MSN: variants seen among roughly 807,000 people sequenced by gnomAD.
The protein encoded by MSN is epididymis luminal protein 70.
In MSN, 2 loss-of-function variants were observed where a neutral mutation model predicts 48.0. The observed-to-expected ratio is 0.04, with a 90% CI of 0.02 to 0.13. MSN has a LOEUF of 0.13. Among genes scored for constraint, MSN ranks in the 10% least tolerant of loss-of-function variants. The probability of loss-of-function intolerance (pLI) is 1.00; values close to 1 mark genes in which losing one functional copy is unlikely to be tolerated. For synonymous variants in MSN, 146 were observed against 166.9 expected, an observed-to-expected ratio of 0.87 and a Z score of 0.97; for missense variants, 267 against 470.1, an observed-to-expected ratio of 0.57 and a Z score of 3.99.
intron 1 of MSN, among the ~76,000 whole-genome samples, chrX:65,646,481 G>A (rs6525000): frequency 0.24 from 26,357 of 111,258 alleles, 7,505 homozygotes; most frequent in African/African-American, 0.82. Context: ...TGCCTGAGCT[G>A]TTACAATGGC....
chrX:65,733,056 AT>A (rs1479155627), intron 6 of MSN, 127 bp from the exon 7 acceptor site: 327 of 484,267 alleles, frequency 6.8e-4, no homozygotes, highest in Middle Eastern at 1.9e-3. Context: ...GTCTCTATTT[AT>A]TTTAAAAAAA....
At chrX:65,597,765 A>C (rs1226868268) in intron 1 of MSN, among the ~76,000 whole-genome samples, 1 of 112,204 alleles carries the variant, frequency 8.9e-6, no homozygotes, top group African/African-American at 3.2e-5. Context: ...TGTAATAGTG[A>C]GCTAGTCCTT....
At chrX:65,708,649 C>T in intron 1 of MSN, among the ~76,000 whole-genome samples, 2 of 110,579 alleles carry the variant, frequency 1.8e-5, no homozygotes, top group Middle Eastern at 9.3e-3. Context: ...CCTTCAGGCT[C>T]ATCCATGTTG....
At chrX:65,721,538 G>A (rs1257950009) in intron 2 of MSN, among the ~76,000 whole-genome samples, 2 of 110,315 alleles carry the variant, frequency 1.8e-5, no homozygotes, top group Non-Finnish European at 3.8e-5. Context: ...TGAATACTCT[G>A]CAATAAGGAC....
intron 1 of MSN, among the ~76,000 whole-genome samples, chrX:65,701,009 GTA>G (rs1569464293): frequency 9.0e-6 from 1 of 111,568 alleles, no homozygotes; most frequent in Non-Finnish European, 1.9e-5. Context: ...ACTCACATCT[GTA>G]TGCAAATGCA....
chrX:65,671,977 G>T (rs767451820), intron 1 of MSN, among the ~76,000 whole-genome samples: 9 of 112,123 alleles, frequency 8.0e-5, no homozygotes, highest in Non-Finnish European at 1.1e-4. Context: ...CTACTTTACC[G>T]AATGATGGAG....
intron 1 of MSN, among the ~76,000 whole-genome samples, chrX:65,658,264 G>A (rs2070796260): frequency 9.0e-6 from 1 of 111,506 alleles, no homozygotes; most frequent in Non-Finnish European, 1.9e-5. Flanking sequence ...TTTTGTGTAA[G>A]GGGCACAAGT....
intron 1 of MSN, chrX:65,624,505 A>C (rs925156199): frequency 1.9e-5 from 2 of 104,796 alleles, no homozygotes; most frequent in South Asian, 8.0e-4. Flanking sequence ...TCTATTCTCC[A>C]TTTTGTTTAT....
chrX:65,620,380 T>C (rs1434049845), intron 1 of MSN, among the ~76,000 whole-genome samples: 1 of 113,606 alleles, frequency 8.8e-6, no homozygotes, highest in Non-Finnish European at 1.9e-5. Flanking sequence ...CGCAGGAACC[T>C]CCGAGCCAGG....
chrX:65,729,598 C>T lies in MSN; in HGVS notation c.353C>T (p.Pro118Leu), dbSNP rs982521952. Reference protein sequence around the residue: ...EGILNDDIYCPPETAVLLASY... With the variant: ...EGILNDDIYCLPETAVLLASY... ...ATTCTCAATGATGATATTTACTGCCCGCCTGAGACCGCTGTGCTGCTGGCC... is the reference window on the plus strand; with the variant it reads ...ATTCTCAATGATGATATTTACTGCCTGCCTGAGACCGCTGTGCTGCTGGCC... The change falls in exon 4 of 13, where the codon CCG becomes CTG. Residue 118 changes from proline to leucine, a missense_variant. Pro to Leu is a moderately conservative substitution (Grantham distance 98). This residue lies in a region of MSN where 89 missense variants were observed against 151.0 expected (regional missense o/e 0.59). Transcript: ENST00000360270. The T allele has an allele frequency of 1.7e-6, 2 of 1,211,579 alleles. No individual in the cohort carries two copies. Among genetic ancestry groups the T allele is most frequent in the East Asian group, 3.0e-5 (1 of 33,835 alleles).
intron 1 of MSN, among the ~76,000 whole-genome samples, chrX:65,621,638 G>T (rs1053314917): frequency 9.0e-6 from 1 of 111,405 alleles, no homozygotes; most frequent in African/African-American, 3.3e-5. Context: ...AAATTTTGAG[G>T]ATTAGCCTTC....
chrX:65,726,775 C>T (rs1022221763), intron 2 of MSN, among the ~76,000 whole-genome samples: 3 of 111,425 alleles, frequency 2.7e-5, no homozygotes, highest in Non-Finnish European at 3.8e-5. Flanking sequence ...TTGCATCCTT[C>T]TCCCAAAAAA....
Position 65,731,167 on chromosome X carries a change from T to C in MSN, c.528T>C (p.His176=), listed in dbSNP as rs45457796. 0.014 allele frequency: 16,677 copies of C among 1,204,939 alleles called. 121 individuals are homozygous for C. The highest frequency in any genetic ancestry group is 0.016 in the Non-Finnish European group (13,983 of 892,628). Reference sequence around the variant, plus strand: ...GGGAGGAGCGGATCCAGGTGTGGCATGAGGAACACCGTGGCATGCTCAGGT... The same window carrying C: ...GGGAGGAGCGGATCCAGGTGTGGCACGAGGAACACCGTGGCATGCTCAGGT... The part of the protein sequence containing the change: ...DQWEERIQVW[H]EEHRGMLRED... The change falls in exon 5 of 13, where the codon CAT becomes CAC. Residue 176 remains histidine, a synonymous_variant. Coordinates refer to ENST00000360270, the MANE Select transcript of MSN (RefSeq NM_002444.3).
chrX:65,733,208 C>T lies in MSN; in HGVS notation c.723C>T (p.Pro241=). 8.3e-7 allele frequency: 1 copy of T among 1,210,961 alleles called. No homozygotes were observed. Among genetic ancestry groups the T allele is most frequent in the South Asian group, 1.8e-5 (1 of 56,917 alleles). The change falls in exon 7 of 13, where the codon CCC becomes CCT. Residue 241 remains proline (P), a synonymous_variant. Transcript: ENST00000360270. ...GACTAACTCCCAAGATAGGCTTCCC[C>T]TGGAGTGAAATCAGGAACATCTCTT... The part of the protein sequence containing the change: ...NDRLTPKIGF[P]WSEIRNISFN...
At chrX:65,686,328 C>G (rs1247511609) in intron 1 of MSN, among the ~76,000 whole-genome samples, 1 of 112,405 alleles carries the variant, frequency 8.9e-6, no homozygotes, top group Non-Finnish European at 1.9e-5. Context: ...CAGACTTCCA[C>G]AGTTGGTGGG....
Position 65,616,297 on chromosome X carries a change from A to T in MSN, c.-22+27685A>T, listed in dbSNP as rs868626249. On this transcript the variant is annotated intron_variant, in intron 1 of 3. Transcript: ENST00000609672. ...ATTGAATCTGTAAATTACCTTGGGC[A>T]GTATGGCCATTTTCACGATATTGAT... 9.7e-3 allele frequency among the ~76,000 whole-genome samples: 979 copies of T among 101,336 alleles called. 12 individuals carry two copies. The highest frequency in any genetic ancestry group is 0.033 in the African/African-American group (928 of 27,943). 88.0% of individuals were successfully genotyped at this position (101,336 alleles called of 115,157 possible).
chrX:65,705,212 C>T (rs1379885638), intron 1 of MSN, among the ~76,000 whole-genome samples: 1 of 111,718 alleles, frequency 9.0e-6, no homozygotes, highest in Admixed American at 9.5e-5. Flanking sequence ...ACGTCTTTTT[C>T]AGGTCTGACA....
rs2071734299 is a variant in MSN, at chrX:65,741,337, G to T, written c.*1444G>T. On this transcript the variant is annotated 3_prime_UTR_variant, in exon 13 of 13. Coordinates refer to ENST00000360270, the MANE Select transcript of MSN (RefSeq NM_002444.3). ...ATTGATTTCTGCCTTCCTTGCTAATGCACCATTAGAAGATATTAGTCTTGG... is the reference window on the plus strand; with the variant it reads ...ATTGATTTCTGCCTTCCTTGCTAATTCACCATTAGAAGATATTAGTCTTGG... 6.0e-6 allele frequency: 1 copy of T among 165,622 alleles called. No homozygotes were observed. The allele number at this position is 165,622 out of a possible 1,213,427, so 13.6% of individuals were successfully genotyped here.
chrX:65,663,984 C>T (rs771424055), upstream of MSN, among the ~76,000 whole-genome samples: 6 of 105,608 alleles, frequency 5.7e-5, no homozygotes, highest in East Asian at 3.0e-4. Context: ...GGCATGAACC[C>T]GGGAGGCGGA....
Sources: gnomAD v4.1 joint callset for allele counts (sites outside exome capture counted in the v4.1 genomes callset) on GRCh38, gnomAD v4.1.1 for gene constraint, gnomAD v4.1.1 regional missense constraint, MANE v1.5 for transcripts, NCBI Gene and HGNC (gene_info 2026-07-23, HGNC 2026-07-21) for gene names.